The following CACNA1C variants were observed in gnomAD, a reference collection of about 807,000 sequenced individuals.
CACNA1C encodes voltage-dependent L-type calcium channel subunit alpha-1C.
A neutral mutation model predicts 229.0 loss-of-function variants in CACNA1C; 30 were observed. The observed-to-expected ratio is 0.13, with a 90% CI of 0.10 to 0.18. CACNA1C has a LOEUF of 0.18. CACNA1C is among the 10% of genes least tolerant of loss of function. The probability of loss-of-function intolerance (pLI) is 1.00; values close to 1 mark genes in which losing one functional copy is unlikely to be tolerated. For synonymous variants in CACNA1C, 1,114 were observed against 1,132.5 expected (o/e 0.98, Z 0.33); for missense variants, 1,658 against 2,845.0 (o/e 0.58, Z 9.49).
At chr12:2,073,891 G>A (rs2062233879) in intron 1 of CACNA1C, among the ~76,000 whole-genome samples, 1 of 151,922 alleles carries the variant, frequency 6.6e-6, no homozygotes, top group African/African-American at 2.4e-5. Flanking sequence ...TCCAGGACTG[G>A]TTATGGCCAC....
intron 3 of CACNA1C, among the ~76,000 whole-genome samples, chr12:2,241,611 C>T (rs2070293719): frequency 6.6e-6 from 1 of 152,124 alleles, no homozygotes; most frequent in Non-Finnish European, 1.5e-5. Flanking sequence ...GTGCCTTCAC[C>T]AGCTGAGCAC....
At chr12:2,151,799 G>C (rs1036410260) in intron 3 of CACNA1C, among the ~76,000 whole-genome samples, 1 of 152,188 alleles carries the variant, frequency 6.6e-6, no homozygotes, top group Admixed American at 6.5e-5. Context: ...CAAATACATA[G>C]GTCAGTGGAC....
intron 1 of CACNA1C, among the ~76,000 whole-genome samples, chr12:2,005,712 G>A (rs1299166423): frequency 6.6e-6 from 1 of 152,178 alleles, no homozygotes; most frequent in African/African-American, 2.4e-5. Flanking sequence ...GCTTAACTCA[G>A]TGGTCCAGTA....
chr12:2,088,724 C>T (rs558601025), intron 1 of CACNA1C, among the ~76,000 whole-genome samples: 19 of 152,288 alleles, frequency 1.2e-4, no homozygotes, highest in African/African-American at 3.1e-4. Context: ...GAGCAGCCTT[C>T]GTGCTTGCAG....
In CACNA1C at chr12:2,319,820, A is replaced by G. The variant is rs1286004458; in HGVS notation, c.478-129156A>G. 2.0e-5 allele frequency among the ~76,000 whole-genome samples: 3 copies of G among 152,062 alleles called. No homozygotes were observed. The highest frequency in any genetic ancestry group is 1.5e-5 in the Non-Finnish European group (1 of 68,006). On this transcript the variant is annotated intron_variant, in intron 3 of 46. Transcript: ENST00000399655. This position sits in a 1 kb window ranked among gnomAD's most constrained non-coding sequence, Gnocchi z 4.0. Reference sequence around the variant, plus strand: ...GGGCTGGACCCTGAAAGAGCCTGCCAGGTATCCCCTTCTAGCAGGAGGGGC... The same window carrying G: ...GGGCTGGACCCTGAAAGAGCCTGCCGGGTATCCCCTTCTAGCAGGAGGGGC...
At chr12:2,004,617 G>T in intron 1 of CACNA1C, 1 of 803,868 alleles carries the variant, frequency 1.2e-6, no homozygotes, top group South Asian at 1.9e-5. Flanking sequence ...CGATGGCCGC[G>T]CCCCGCCCAC....
Position 2,192,069 on chromosome 12 carries a change from GAC to G in CACNA1C, c.477+71653_477+71654del, listed in dbSNP as rs138857773. Among the ~76,000 whole-genome samples, 238 of 150,852 alleles carry G rather than the reference GAC, an allele frequency of 1.6e-3. 1 individual carries two copies. Among genetic ancestry groups the G allele is most frequent in the Middle Eastern group, 6.9e-3 (2 of 288 alleles). ...GCACACACATACACACTCAGGCACA[GAC>G]ACACACACACACATGCACGCACATG... On this transcript the variant is annotated intron_variant, in intron 3 of 46. Coordinates refer to ENST00000399655, the MANE Select transcript of CACNA1C (RefSeq NM_000719.7).
intron 3 of CACNA1C, among the ~76,000 whole-genome samples, chr12:2,213,969 C>T (rs1048336967): frequency 2.5e-5 from 3 of 118,874 alleles, no homozygotes; most frequent in South Asian, 5.3e-4. Flanking sequence ...AGGGCTGAAT[C>T]GCGAGTTTGG....
rs1381214834 is a variant in CACNA1C at position 2,696,103 on chromosome 12, A to G, written c.*4904A>G. ...TTACATACATTGAGAGAATACTACA[A>G]TCAACACTTTTTCCTGGGATGACTT... On this transcript the variant is annotated 3_prime_UTR_variant, in exon 47 of 47. Transcript: ENST00000399655. 1.3e-5 allele frequency: 2 copies of G among 152,226 alleles called. No homozygotes were observed. Among genetic ancestry groups the G allele is most frequent in the African/African-American group, 4.8e-5 (2 of 41,446 alleles). 9.4% of individuals were successfully genotyped at this position (152,226 alleles called of 1,614,324 possible).
At chr12:2,547,426 C>T (rs1379409832) in intron 9 of CACNA1C, 1 of 779,484 alleles carries the variant, frequency 1.3e-6, no homozygotes, top group Non-Finnish European at 2.4e-6. Context: ...TGGTTCTTGA[C>T]ACTGACCATC....
In CACNA1C at chr12:2,067,897, A is replaced by G. The variant is rs548322070; in HGVS notation, c.49+14286A>G. Among the ~76,000 whole-genome samples, 2 of 152,262 alleles carry G rather than the reference A, an allele frequency of 1.3e-5. No homozygotes were observed. Among genetic ancestry groups the G allele is most frequent in the East Asian group, 1.9e-4 (1 of 5,178 alleles). On this transcript the variant is annotated intron_variant, in intron 1 of 46. Transcript: ENST00000399655. This position sits in a 1 kb window ranked among gnomAD's most constrained non-coding sequence, Gnocchi z 5.3. ...CAAACCAAGCCCAGCTTCACAGCCT[A>G]TGATATTGGCTCTCTGGAGAACCGG...
At chr12:2,225,577 G>C (rs894595108) in intron 3 of CACNA1C, among the ~76,000 whole-genome samples, 1 of 152,162 alleles carries the variant, frequency 6.6e-6, no homozygotes, top group Admixed American at 6.5e-5. Flanking sequence ...AGATCCTAGT[G>C]GGCGGAGTGG....
chr12:2,005,079 G>A (rs567531869), intron 1 of CACNA1C, among the ~76,000 whole-genome samples: 1 of 151,784 alleles, frequency 6.6e-6, no homozygotes, highest in Non-Finnish European at 1.5e-5. Context: ...ACCCAATCAA[G>A]GCAGGGGCAC....
chr12:2,083,804 G>A (rs2066562940), intron 1 of CACNA1C, among the ~76,000 whole-genome samples: 1 of 152,160 alleles, frequency 6.6e-6, no homozygotes, highest in African/African-American at 2.4e-5. Flanking sequence ...GAAGCCATTT[G>A]ACTCTGTGGA....
intron 1 of CACNA1C, among the ~76,000 whole-genome samples, chr12:2,069,372 A>G (rs2060409136): frequency 6.6e-6 from 1 of 152,158 alleles, no homozygotes; most frequent in South Asian, 2.1e-4. Flanking sequence ...TTCCTCTAAC[A>G]CTTGGGAGCC....
At chr12:2,291,669 G>T (rs1249989593) in intron 3 of CACNA1C, among the ~76,000 whole-genome samples, 1 of 152,310 alleles carries the variant, frequency 6.6e-6, no homozygotes, top group East Asian at 1.9e-4. Context: ...CTTGCAAATG[G>T]CAGCGTTTGG....
intron 10 of CACNA1C, among the ~76,000 whole-genome samples, chr12:2,556,675 G>C (rs1175813813): frequency 1.3e-5 from 2 of 152,190 alleles, no homozygotes; most frequent in African/African-American, 4.8e-5. Flanking sequence ...TGACCTCATA[G>C]AAGTTTCTAG....
chr12:2,101,415 G>A (rs1330527502), intron 1 of CACNA1C, among the ~76,000 whole-genome samples: 1 of 152,224 alleles, frequency 6.6e-6, no homozygotes, highest in African/African-American at 2.4e-5. Context: ...AAGTGCAGGA[G>A]GCTCTAGGAG....
At chr12:1,996,636 A>C (rs1477521157) in intron 1 of CACNA1C, among the ~76,000 whole-genome samples, 6 of 120,700 alleles carry the variant, frequency 5.0e-5, no homozygotes, top group Admixed American at 8.5e-5. Context: ...AAAAAAAAAA[A>C]AAAAAAAAAA....
Sources: gnomAD v4.1 joint callset for allele counts (sites outside exome capture counted in the v4.1 genomes callset) on GRCh38, gnomAD v4.1.1 for gene constraint, Gnocchi (gnomAD v3.1) non-coding constraint, MANE v1.5 for transcripts, NCBI Gene and HGNC (gene_info 2026-07-23, HGNC 2026-07-21) for gene names.